Variants in GBF1 observed in about 807,000 individuals in gnomAD.
The protein encoded by GBF1 is Golgi-specific brefeldin A-resistance guanine nucleotide exchange factor 1.
Under a neutral mutation model 210.5 loss-of-function variants are expected in GBF1, and 114 were observed. The observed-to-expected ratio is 0.54, with a 90% CI of 0.47 to 0.63. GBF1 has a LOEUF of 0.63. GBF1 is among the 30% of genes least tolerant of loss of function. GBF1 has a pLI of 0.00. For missense variants in GBF1, 1,851 were observed against 2,357.7 expected, an observed-to-expected ratio of 0.79 and a Z score of 4.45; for synonymous variants, 850 against 889.2, an observed-to-expected ratio of 0.96 and a Z score of 0.78.
chr10:102,313,473 A>G (rs1008195170), intron 3 of GBF1, among the ~76,000 whole-genome samples: 2 of 152,260 alleles, frequency 1.3e-5, no homozygotes, highest in South Asian at 2.1e-4. Flanking sequence ...GCTGCCCCAA[A>G]TACTTGTGAT....
At chr10:102,279,845 A>C (rs1257519558) in intron 3 of GBF1, among the ~76,000 whole-genome samples, 1 of 152,194 alleles carries the variant, frequency 6.6e-6, no homozygotes, top group Non-Finnish European at 1.5e-5. Context: ...CCCTCAAAAA[A>C]AGTGGCTTAC....
At chr10:102,361,225 C>A in intron 13 of GBF1, 105 bp downstream of exon 13, 2 of 744,984 alleles carry the variant, frequency 2.7e-6, no homozygotes, top group Non-Finnish European at 2.5e-6. Context: ...GATTTAGGGA[C>A]TTCCTATAGG....
intron 3 of GBF1, among the ~76,000 whole-genome samples, chr10:102,341,236 A>G (rs568545221): frequency 6.6e-6 from 1 of 152,372 alleles, no homozygotes; most frequent in African/African-American, 2.4e-5. Context: ...GAGAAATGCA[A>G]ATTTAAACCA....
intron 4 of GBF1, among the ~76,000 whole-genome samples, chr10:102,350,785 A>G (rs942364075): frequency 1.3e-5 from 2 of 152,124 alleles, no homozygotes; most frequent in African/African-American, 2.4e-5. Flanking sequence ...TGAGGAGCTC[A>G]TTAAAACCAG....
rs2060899880 is a variant in GBF1 at position 102,382,169 on chromosome 10, C to A, written c.5416C>A (p.Gln1806Lys). The A allele has an allele frequency of 5.0e-6, 8 of 1,613,792 alleles. No homozygotes were observed. In the East Asian group the frequency reaches 1.8e-4, roughly 36 times the overall value. Reference protein sequence around the residue: ...PTPDGPPPLAQPPLILQPLAS... With the variant: ...PTPDGPPPLAKPPLILQPLAS... ...CCCCGACGGGCCTCCACCCTTGGCT[C>A]AGCCCCCACTGATCCTGCAGCCCTT... Residue 1806 changes from glutamine (Q) to lysine (K), a missense_variant, in exon 40 of 40, where the codon CAG (glutamine) becomes AAG (lysine). Gln to Lys is a moderately conservative substitution (Grantham distance 53). Coordinates refer to ENST00000369983, the MANE Select transcript of GBF1 (RefSeq NM_001377137.1).
intron 1 of GBF1, among the ~76,000 whole-genome samples, chr10:102,251,915 C>G (rs2071588573): frequency 6.6e-6 from 1 of 152,072 alleles, no homozygotes; most frequent in South Asian, 2.1e-4. Context: ...TAGTTCATGC[C>G]TATAATCCCA....
At chr10:102,302,678 A>G (rs530436320) in intron 3 of GBF1, among the ~76,000 whole-genome samples, 18 of 152,292 alleles carry the variant, frequency 1.2e-4, no homozygotes, top group African/African-American at 4.1e-4. Context: ...GGAGGAGGAT[A>G]AGGATCATCA....
chr10:102,309,806 C>T (rs548583059), intron 3 of GBF1, among the ~76,000 whole-genome samples: 1 of 152,174 alleles, frequency 6.6e-6, no homozygotes, highest in East Asian at 1.9e-4. Flanking sequence ...TGAATTTTCT[C>T]CCCATTCTAG....
At chr10:102,377,515 G>A in intron 33 of GBF1, among the ~76,000 whole-genome samples, 1 of 151,968 alleles carries the variant, frequency 6.6e-6, no homozygotes. Flanking sequence ...CACCATGCCT[G>A]GCTAATTTTT....
chr10:102,336,020 G>A (rs916879805), intron 3 of GBF1, among the ~76,000 whole-genome samples: 1 of 151,954 alleles, frequency 6.6e-6, no homozygotes, highest in Non-Finnish European at 1.5e-5. Flanking sequence ...ATGAACTGGT[G>A]GCCAGGTGCA....
chr10:102,311,303 T>C (rs945010068), intron 3 of GBF1, among the ~76,000 whole-genome samples: 1 of 152,208 alleles, frequency 6.6e-6, no homozygotes, highest in East Asian at 1.9e-4. Flanking sequence ...GCGTGAGCCT[T>C]AAGAAAGGCT....
At chr10:102,310,934 G>A (rs2078365629) in intron 3 of GBF1, among the ~76,000 whole-genome samples, 1 of 152,196 alleles carries the variant, frequency 6.6e-6, no homozygotes, top group Admixed American at 6.5e-5. Flanking sequence ...CCCGCTGGAT[G>A]GCCCTGTTCC....
At chr10:102,319,666 A>G (rs1252536459) in intron 3 of GBF1, among the ~76,000 whole-genome samples, 2 of 149,454 alleles carry the variant, frequency 1.3e-5, no homozygotes, top group African/African-American at 4.9e-5. Flanking sequence ...AGTTTTCTCT[A>G]GATCTCCTTT....
chr10:102,248,383 A>C lies in GBF1; in HGVS notation c.-11+2602A>C, dbSNP rs554191912. ...TGGAACCCCAATAATAATAGAAGTG[A>C]TCATAGAAGTGATTATTTGTTCTAG... On this transcript the variant is annotated intron_variant, in intron 1 of 39. Transcript: ENST00000369983. 3.9e-5 allele frequency among the ~76,000 whole-genome samples: 6 copies of C among 152,172 alleles called. No homozygotes were observed. The South Asian group carries it at 1.2e-3, about 32-fold the overall frequency.
chr10:102,321,650 A>C (rs994351742), intron 3 of GBF1, among the ~76,000 whole-genome samples: 5 of 151,564 alleles, frequency 3.3e-5, no homozygotes, highest in Non-Finnish European at 7.4e-5. Flanking sequence ...GCTCACTGCA[A>C]CCTCCACCTC....
At chr10:102,285,235 T>C (rs986303993) in intron 3 of GBF1, among the ~76,000 whole-genome samples, 1 of 152,148 alleles carries the variant, frequency 6.6e-6, no homozygotes, top group Non-Finnish European at 1.5e-5. Context: ...AAGTAGATGA[T>C]GGTATTTCTG....
the GBF1 span, among the ~76,000 whole-genome samples, chr10:102,233,606 TTTTG>T: frequency 6.6e-6 from 1 of 152,122 alleles, no homozygotes; most frequent in Non-Finnish European, 1.5e-5. Context: ...GCCCAGCCTG[TTTTG>T]TTTATTATTT....
chr10:102,382,427 G>A lies in GBF1; in HGVS notation c.*91G>A. The A allele has an allele frequency of 8.4e-7, 1 of 1,189,278 alleles. No homozygotes were observed. The highest frequency in any genetic ancestry group is 1.2e-6 in the Non-Finnish European group (1 of 845,552). The allele number at this position is 1,189,278 out of a possible 1,614,324, so 73.7% of individuals were successfully genotyped here. A position where few individuals can be genotyped will look rare whatever the true frequency, so the allele number is the denominator to read the frequency against. ...GTCCTGCGGGCCACAAGCTCTTCAGGCCAAGTCAGAGCTGCTGTTGCTGCC... is the reference window on the plus strand; with the variant it reads ...GTCCTGCGGGCCACAAGCTCTTCAGACCAAGTCAGAGCTGCTGTTGCTGCC... On this transcript the variant is annotated 3_prime_UTR_variant, in exon 40 of 40. Transcript: ENST00000369983.
chr10:102,304,243 C>T (rs2077642377), intron 3 of GBF1, among the ~76,000 whole-genome samples: 2 of 152,082 alleles, frequency 1.3e-5, no homozygotes, highest in Non-Finnish European at 2.9e-5. Context: ...ATGGACCGTT[C>T]TTTGAATACT....
Sources: allele counts gnomAD v4.1 joint callset (sites outside exome capture counted in the v4.1 genomes callset), GRCh38; gene constraint gnomAD v4.1.1; transcripts MANE v1.5; gene names NCBI Gene and HGNC (gene_info 2026-07-23, HGNC 2026-07-21).